The following SERPINE2 variants were observed in gnomAD, a reference collection of about 807,000 sequenced individuals.
The protein encoded by SERPINE2 is glia-derived nexin.
In SERPINE2, 14 loss-of-function variants were observed where a neutral mutation model predicts 36.3. That is an observed-to-expected ratio of 0.39 (90% CI 0.25 to 0.60). The LOEUF (loss-of-function observed/expected upper bound fraction) is 0.60. SERPINE2 is among the 20% of genes least tolerant of loss of function. The probability of loss-of-function intolerance (pLI) is 0.57; values close to 1 mark genes in which losing one functional copy is unlikely to be tolerated. For missense variants in SERPINE2, 418 were observed against 499.6 expected (o/e 0.84, Z 1.56); for synonymous variants, 192 against 191.8 (o/e 1.00, Z -0.01).
In SERPINE2 at chr2:223,991,960, A is replaced by G; in HGVS notation, c.528T>C (p.Gly176=). 1.2e-6 allele frequency: 2 copies of G among 1,613,912 alleles called. No homozygotes were observed. The highest frequency in any genetic ancestry group is 8.5e-7 in the Non-Finnish European group (1 of 1,179,908). Residue 176 remains glycine, a synonymous_variant, in exon 4 of 9, where the codon GGT becomes GGC. Coordinates refer to ENST00000409304, the MANE Select transcript of SERPINE2 (RefSeq NM_001136528.2). ...DNLLSPDLID[G]VLTRLVLVNA... ...TGACGAGGACCAGTCTGGTGAGCAC[A>G]CCATCAATAAGATCTGGGGACAGCA...
At chr2:223,989,675 T>C (rs542260099) in intron 4 of SERPINE2, among the ~76,000 whole-genome samples, 2 of 152,264 alleles carry the variant, frequency 1.3e-5, no homozygotes, top group South Asian at 2.1e-4. Context: ...TCGCATCCAG[T>C]TCCAGGTTCC....
At position 223,984,728 on chromosome 2, in the gene SERPINE2, C is replaced by A. The variant is rs200897392; in HGVS notation, c.884+24G>T. On this transcript the variant is annotated intron_variant, in intron 5 of 8. Transcript: ENST00000409304. ...GCTGATTGAATAATGCCACTGTTTT[C>A]TTTGAGGGGAAGGGGCCACTTACTT... 8.7e-6 allele frequency: 14 copies of A among 1,606,438 alleles called. No individual in the cohort carries two copies. The African/African-American group carries it at 1.7e-4, about 20-fold the overall frequency.
At chr2:224,007,151 G>A (rs1424961528) in intron 1 of SERPINE2, among the ~76,000 whole-genome samples, 2 of 152,186 alleles carry the variant, frequency 1.3e-5, no homozygotes, top group African/African-American at 4.8e-5. Flanking sequence ...TATGACACTA[G>A]TCTGCTCTAT....
At chr2:224,008,256 G>A (rs768704600) in intron 1 of SERPINE2, among the ~76,000 whole-genome samples, 13 of 152,146 alleles carry the variant, frequency 8.5e-5, no homozygotes, top group Non-Finnish European at 1.6e-4. Context: ...GTTTTATTAA[G>A]AGTTACCAAA....
At chr2:224,005,065 TTATATATATATA>T (rs71058976) in intron 1 of SERPINE2, among the ~76,000 whole-genome samples, 4 of 33,578 alleles carry the variant, frequency 1.2e-4, no homozygotes, top group African/African-American at 4.0e-4. Context: ...TTTATATATA[TTATATATATATA>T]TATATATATA....
intron 1 of SERPINE2, among the ~76,000 whole-genome samples, chr2:224,038,133 C>T (rs531470153): frequency 8.5e-5 from 13 of 152,266 alleles, no homozygotes; most frequent in African/African-American, 2.9e-4. Flanking sequence ...ATAAAATCTT[C>T]AAAGTACACA....
intron 5 of SERPINE2, among the ~76,000 whole-genome samples, chr2:223,983,838 C>T (rs771492061): frequency 3.3e-5 from 5 of 150,992 alleles, no homozygotes; most frequent in South Asian, 4.2e-4. Context: ...ACTAAGGAGA[C>T]GTGGGCAGAT....
At chr2:223,976,963 TAGTG>T (rs1224444446) in intron 8 of SERPINE2, among the ~76,000 whole-genome samples, 6 of 152,204 alleles carry the variant, frequency 3.9e-5, no homozygotes, top group East Asian at 3.8e-4. Flanking sequence ...GTTCTTGTGA[TAGTG>T]AGTGAGTTCT....
intron 4 of SERPINE2, among the ~76,000 whole-genome samples, chr2:223,990,778 G>C (rs1690630657): frequency 6.6e-6 from 1 of 152,134 alleles, no homozygotes; most frequent in Non-Finnish European, 1.5e-5. Context: ...AGGAGTTCAA[G>C]ACTAGCCTGG....
At chr2:224,038,574 G>A in intron 1 of SERPINE2, 1 of 1,451,170 alleles carries the variant, frequency 6.9e-7, no homozygotes, top group Non-Finnish European at 9.5e-7. Context: ...TAAATCGGCT[G>A]CCAGAGGCCA....
In SERPINE2 at chr2:224,037,937, A is replaced by T. The variant is rs538538134; in HGVS notation, c.-23+1162T>A. On this transcript the variant is annotated intron_variant, in intron 1 of 8. Transcript: ENST00000409304. ...TGGGGGTTAAAAGAAACCTTAGATT[A>T]CTCAGGTTAGTACCTTCATTTGCAT... 5.3e-5 allele frequency among the ~76,000 whole-genome samples: 8 copies of T among 152,342 alleles called. 1 individual carries two copies. In the Middle Eastern group the frequency reaches 0.017, roughly 326 times the overall value.
chr2:224,022,753 T>C (rs1471727930), intron 1 of SERPINE2, among the ~76,000 whole-genome samples: 2 of 152,208 alleles, frequency 1.3e-5, no homozygotes, highest in Admixed American at 6.5e-5. Context: ...CCAATTGATA[T>C]GGCTTGGCTG....
At chr2:223,977,775 C>A (rs1559191749) in intron 7 of SERPINE2, 148 bp from the exon 8 acceptor site, 4 of 622,716 alleles carry the variant, frequency 6.4e-6, no homozygotes, top group Non-Finnish European at 1.2e-5. Flanking sequence ...CATGTTACAA[C>A]AGGCTCAATG....
At position 224,001,392 on chromosome 2, in the gene SERPINE2, G is replaced by A. The variant is rs185873026; in HGVS notation, c.259+250C>T. ...GCTGGAACGAGGGCTGGAGCCCTGGGAAAGGAGACCTAGTGGCAGACCCCA... is the reference window on the plus strand; with the variant it reads ...GCTGGAACGAGGGCTGGAGCCCTGGAAAAGGAGACCTAGTGGCAGACCCCA... On this transcript the variant is annotated intron_variant, in intron 2 of 8. Transcript: ENST00000409304. Among the ~76,000 whole-genome samples, 11 of 152,306 alleles carry A rather than the reference G, an allele frequency of 7.2e-5. No individual in the cohort carries two copies. The East Asian group carries it at 2.1e-3, about 29-fold the overall frequency.
intron 5 of SERPINE2, among the ~76,000 whole-genome samples, chr2:223,984,137 T>C (rs147144844): frequency 7.2e-5 from 11 of 152,126 alleles, no homozygotes; most frequent in African/African-American, 2.7e-4. Context: ...GAAAAGTTCA[T>C]AGAAAGGGAA....
intron 1 of SERPINE2, among the ~76,000 whole-genome samples, chr2:224,017,666 C>G (rs1261379964): frequency 6.6e-6 from 1 of 152,212 alleles, no homozygotes. Flanking sequence ...AAGTGCTAGC[C>G]TTCAGTGTGC....
chr2:224,005,674 C>T (rs1323021981), intron 1 of SERPINE2, among the ~76,000 whole-genome samples: 1 of 152,068 alleles, frequency 6.6e-6, no homozygotes. Context: ...CAAGCAGATG[C>T]CATAATGGGA....
rs917668562 is a variant in SERPINE2 at position 223,975,766 on chromosome 2, G to A, written c.*101C>T. On this transcript the variant is annotated 3_prime_UTR_variant, in exon 9 of 9. Transcript: ENST00000409304. ...TAAGAACTAGTTTTGAAAAAGAAGC[G>A]ATGTACAAAAATATTTAACAGAACT... The A allele has an allele frequency of 5.3e-6, 5 of 940,206 alleles. No individual in the cohort carries two copies. Among genetic ancestry groups the A allele is most frequent in the Non-Finnish European group, 6.4e-6 (4 of 627,990 alleles). The allele number at this position is 940,206 out of a possible 1,614,324, so 58.2% of individuals were successfully genotyped here.
chr2:224,019,905 A>G (rs1421123888), intron 1 of SERPINE2, among the ~76,000 whole-genome samples: 3 of 152,012 alleles, frequency 2.0e-5, no homozygotes, highest in Admixed American at 2.0e-4. Context: ...CCTGGCCTTT[A>G]CTCAAGAGAT....
Sources: allele counts gnomAD v4.1 joint callset (sites outside exome capture counted in the v4.1 genomes callset), GRCh38; gene constraint gnomAD v4.1.1; transcripts MANE v1.5; gene names NCBI Gene and HGNC (gene_info 2026-07-23, HGNC 2026-07-21).